Variants in PELI2 observed in about 807,000 individuals in gnomAD.
PELI2 encodes the protein pellino E3 ubiquitin protein ligase family member 2, also known as E3 ubiquitin-protein ligase pellino homolog 2.
A neutral mutation model predicts 42.3 loss-of-function variants in PELI2; 23 were observed. That is an observed-to-expected ratio of 0.54 (90% CI 0.39 to 0.77). The LOEUF is 0.77. Ranked by LOEUF, PELI2 falls within the 30% of genes least tolerant of loss-of-function variation. The pLI, the probability that PELI2 is intolerant of heterozygous loss-of-function variation, is 0.00. For synonymous variants in PELI2, 245 were observed against 212.2 expected (o/e 1.15, Z -1.34); for missense variants, 463 against 553.2 (o/e 0.84, Z 1.64).
chr14:56,151,524 G>A (rs1034104933), intron 1 of PELI2, among the ~76,000 whole-genome samples: 3 of 152,192 alleles, frequency 2.0e-5, no homozygotes, highest in African/African-American at 7.2e-5. Flanking sequence ...CCATTAGAAT[G>A]TAGTTGTTCA....
At chr14:56,183,103 T>C (rs539673293) in intron 2 of PELI2, among the ~76,000 whole-genome samples, 2 of 152,326 alleles carry the variant, frequency 1.3e-5, no homozygotes, top group Non-Finnish European at 2.9e-5. Context: ...TGGTCGTGTG[T>C]GGTGTTTCAT....
At chr14:56,238,478 G>C (rs1887870450) in intron 2 of PELI2, among the ~76,000 whole-genome samples, 1 of 152,158 alleles carries the variant, frequency 6.6e-6, no homozygotes, top group African/African-American at 2.4e-5. Flanking sequence ...TCTAGCAGTG[G>C]TAATAGCAGT....
intron 2 of PELI2, among the ~76,000 whole-genome samples, chr14:56,278,756 T>C (rs558650703): frequency 2.6e-5 from 4 of 152,202 alleles, no homozygotes; most frequent in Non-Finnish European, 4.4e-5. Flanking sequence ...TCTAGATGCT[T>C]TCTTGGTCTT....
rs377411862 is a variant in PELI2, at chr14:56,142,081, C to T, written c.77+23344C>T. ...CTGCCTATCCCCCTTGGAAATAAGA[C>T]GTCACTGTGGGCTCATAACTTCAGA... is the stretch of plus-strand genomic sequence containing the variant. On this transcript the variant is annotated intron_variant, in intron 1 of 5. Coordinates refer to ENST00000267460, the MANE Select transcript of PELI2 (RefSeq NM_021255.3). Among the ~76,000 whole-genome samples the T allele has an allele frequency of 1.2e-3, 180 of 152,226 alleles. 2 individuals carry two copies. Among genetic ancestry groups the T allele is most frequent in the African/African-American group, 3.8e-3 (159 of 41,546 alleles).
chr14:56,165,648 T>C (rs745768595), intron 1 of PELI2, among the ~76,000 whole-genome samples: 19 of 152,208 alleles, frequency 1.2e-4, no homozygotes, highest in Non-Finnish European at 1.9e-4. Context: ...GTTGATCTTC[T>C]GTTTGGAAGA....
intron 2 of PELI2, among the ~76,000 whole-genome samples, chr14:56,274,426 ATTAT>A (rs1275575941): frequency 1.3e-5 from 2 of 152,222 alleles, no homozygotes; most frequent in African/African-American, 2.4e-5. Flanking sequence ...AAAAGATTTA[ATTAT>A]TTATTTCCCT....
intron 1 of PELI2, 48 bp downstream of exon 1, chr14:56,118,785 G>T (rs1882947374): frequency 7.6e-7 from 1 of 1,308,814 alleles, no homozygotes; most frequent in Non-Finnish European, 1.0e-6. Context: ...GGCGGGGAGC[G>T]CCCGCATCCT....
At chr14:56,225,509 A>G (rs1887315699) in intron 2 of PELI2, among the ~76,000 whole-genome samples, 1 of 152,152 alleles carries the variant, frequency 6.6e-6, no homozygotes, top group African/African-American at 2.4e-5. Context: ...GATGGGGCCC[A>G]CGTTGGGCTG....
intron 2 of PELI2, among the ~76,000 whole-genome samples, chr14:56,189,045 A>C (rs1885868970): frequency 6.6e-6 from 1 of 152,178 alleles, no homozygotes; most frequent in African/African-American, 2.4e-5. Context: ...CTGTAGTCCC[A>C]GCTACTGGGG....
intron 1 of PELI2, among the ~76,000 whole-genome samples, chr14:56,126,150 C>G (rs1883250407): frequency 6.6e-6 from 1 of 152,170 alleles, no homozygotes; most frequent in Non-Finnish European, 1.5e-5. Context: ...TGCAGAAAGT[C>G]CTGCCTTGAA....
At position 56,276,082 on chromosome 14, in the gene PELI2, A is replaced by T. The variant is rs1013779815; in HGVS notation, c.208-3594A>T. On this transcript the variant is annotated intron_variant, in intron 2 of 5. Transcript: ENST00000267460. Reference sequence around the variant, plus strand: ...CTCTATTTCTGAAAGTCATATTTTAAATGTTAAAAAATATTGTTGAACAAT... The same window carrying T: ...CTCTATTTCTGAAAGTCATATTTTATATGTTAAAAAATATTGTTGAACAAT... 3.9e-5 allele frequency among the ~76,000 whole-genome samples: 6 copies of T among 152,260 alleles called. No homozygotes were observed. In the Middle Eastern group the frequency reaches 0.01, roughly 259 times the overall value.
chr14:56,175,605 A>G (rs755978522), intron 1 of PELI2, among the ~76,000 whole-genome samples: 19 of 152,194 alleles, frequency 1.2e-4, no homozygotes, highest in South Asian at 2.1e-4. Flanking sequence ...TTTTTCATCT[A>G]GATGTATTAA....
At chr14:56,267,484 C>T (rs1021900564) in intron 2 of PELI2, among the ~76,000 whole-genome samples, 5 of 152,086 alleles carry the variant, frequency 3.3e-5, no homozygotes, top group Non-Finnish European at 7.4e-5. Context: ...AATGGCATTG[C>T]GTGGCAGCAG....
intron 1 of PELI2, among the ~76,000 whole-genome samples, chr14:56,123,544 A>C (rs1215317652): frequency 6.6e-6 from 1 of 152,036 alleles, no homozygotes; most frequent in African/African-American, 2.4e-5. Context: ...TTCCTTTACT[A>C]ACTTTAGCCT....
chr14:56,148,066 C>T (rs1884199522), intron 1 of PELI2, among the ~76,000 whole-genome samples: 1 of 152,196 alleles, frequency 6.6e-6, no homozygotes, highest in African/African-American at 2.4e-5. Context: ...GGTAAATCCA[C>T]TTCCTTGCAC....
At position 56,118,527 on chromosome 14, in the gene PELI2, C is replaced by G; in HGVS notation, c.-134C>G. 1 of 468,372 alleles carries G rather than the reference C, an allele frequency of 2.1e-6. No homozygotes were observed. The highest frequency in any genetic ancestry group is 3.4e-6 in the Non-Finnish European group (1 of 292,842). The allele number at this position is 468,372 out of a possible 1,614,324, so 29.0% of individuals were successfully genotyped here. On this transcript the variant is annotated 5_prime_UTR_variant, in exon 1 of 6. Coordinates refer to ENST00000267460, the MANE Select transcript of PELI2 (RefSeq NM_021255.3). ...CAGCGGGACTGGCCGCCCCGCGCCCCCTTCGCCGCCGTGCCCTTCCCCGGC... is the reference window on the plus strand; with the variant it reads ...CAGCGGGACTGGCCGCCCCGCGCCCGCTTCGCCGCCGTGCCCTTCCCCGGC...
At chr14:56,268,188 G>A (rs1344354098) in intron 2 of PELI2, among the ~76,000 whole-genome samples, 6 of 152,106 alleles carry the variant, frequency 3.9e-5, no homozygotes, top group African/African-American at 1.4e-4. Context: ...AAGAGCAATA[G>A]GCAAATCGAA....
chr14:56,150,463 A>G (rs1315599969), intron 1 of PELI2, among the ~76,000 whole-genome samples: 2 of 151,886 alleles, frequency 1.3e-5, no homozygotes, highest in African/African-American at 2.4e-5. Flanking sequence ...TCACTTTAAG[A>G]TAAGTGATTT....
In PELI2 at chr14:56,163,432, G is replaced by A. The variant is rs183686306; in HGVS notation, c.78-14903G>A. ...TCTCTATTCTGTTCCATTGGTCTATGTGTCTATTTTTATACCAGTACCATG... is the reference window on the plus strand; with the variant it reads ...TCTCTATTCTGTTCCATTGGTCTATATGTCTATTTTTATACCAGTACCATG... On this transcript the variant is annotated intron_variant, in intron 1 of 5. Transcript: ENST00000267460. Among the ~76,000 whole-genome samples the A allele has an allele frequency of 3.3e-5, 5 of 152,126 alleles. No homozygotes were observed. In the East Asian group the frequency reaches 9.7e-4, roughly 29 times the overall value.
Sources: gnomAD v4.1 joint callset for allele counts (sites outside exome capture counted in the v4.1 genomes callset) on GRCh38, gnomAD v4.1.1 for gene constraint, MANE v1.5 for transcripts, NCBI Gene and HGNC (gene_info 2026-07-23, HGNC 2026-07-21) for gene names.